Variants in UBAC2 observed in about 807,000 individuals in gnomAD.
UBAC2 encodes ubiquitin-associated domain-containing protein 2.
Under a neutral mutation model 44.0 loss-of-function variants are expected in UBAC2, and 26 were observed. That is an observed-to-expected ratio of 0.59 (90% CI 0.43 to 0.82). The LOEUF (loss-of-function observed/expected upper bound fraction) is 0.82. Ranked by LOEUF, UBAC2 falls within the 40% of genes least tolerant of loss-of-function variation. The pLI is 0.00. For missense variants in UBAC2, 329 were observed against 419.4 expected, an observed-to-expected ratio of 0.78 and a Z score of 1.88; for synonymous variants, 155 against 154.3, an observed-to-expected ratio of 1.00 and a Z score of -0.04.
intron 4 of UBAC2, among the ~76,000 whole-genome samples, chr13:99,293,602 T>A (rs940497106): frequency 6.6e-6 from 1 of 152,240 alleles, no homozygotes; most frequent in Non-Finnish European, 1.5e-5. Flanking sequence ...TGGGCTTTCA[T>A]CCGTGTTGTC....
chr13:99,214,276 A>G (rs1259236327), intron 1 of UBAC2, among the ~76,000 whole-genome samples: 1 of 143,320 alleles, frequency 7.0e-6, no homozygotes, highest in East Asian at 2.0e-4. Flanking sequence ...TTTTTCGTGT[A>G]AGGACACGAG....
intron 6 of UBAC2, among the ~76,000 whole-genome samples, chr13:99,321,184 A>C (rs1260806672): frequency 6.6e-6 from 1 of 152,234 alleles, no homozygotes. Context: ...ATTTGTATGA[A>C]ACATGAGTAA....
intron 6 of UBAC2, among the ~76,000 whole-genome samples, chr13:99,322,494 G>T (rs573726962): frequency 5.9e-5 from 9 of 152,274 alleles, no homozygotes; most frequent in African/African-American, 2.2e-4. Flanking sequence ...TCTTTTTACA[G>T]TTCACACATT....
intron 4 of UBAC2, among the ~76,000 whole-genome samples, chr13:99,313,593 G>T (rs1238971470): frequency 6.6e-6 from 1 of 152,096 alleles, no homozygotes; most frequent in Non-Finnish European, 1.5e-5. Flanking sequence ...CCAGAAGAGT[G>T]GTGTAAGAAA....
At chr13:99,315,949 T>A (rs1462432940) in intron 5 of UBAC2, among the ~76,000 whole-genome samples, 3 of 151,824 alleles carry the variant, frequency 2.0e-5, no homozygotes, top group African/African-American at 7.3e-5. Context: ...GTTTTTGCCA[T>A]TAAAGTAAGG....
intron 1 of UBAC2, among the ~76,000 whole-genome samples, chr13:99,236,910 C>A (rs541273343): frequency 6.6e-6 from 1 of 152,002 alleles, no homozygotes; most frequent in South Asian, 2.1e-4. Flanking sequence ...AAAGGAGAAC[C>A]CTGGTACACT....
At chr13:99,261,900 G>C (rs1009755612) in intron 4 of UBAC2, among the ~76,000 whole-genome samples, 1 of 152,214 alleles carries the variant, frequency 6.6e-6, no homozygotes, top group African/African-American at 2.4e-5. Flanking sequence ...CCGCAATTTT[G>C]CTGTCTGAGG....
chr13:99,278,399 C>T (rs1161811073), intron 4 of UBAC2, among the ~76,000 whole-genome samples: 2 of 152,030 alleles, frequency 1.3e-5, no homozygotes, highest in Admixed American at 1.3e-4. Context: ...AGCAGCACAC[C>T]TACAATCATC....
At chr13:99,259,326 A>G (rs2043621603) in intron 4 of UBAC2, among the ~76,000 whole-genome samples, 1 of 150,038 alleles carries the variant, frequency 6.7e-6, no homozygotes, top group South Asian at 2.1e-4. Flanking sequence ...TTTGAATTTT[A>G]GACAGTTTGG....
chr13:99,367,967 T>G, intron 8 of UBAC2, 61 bp downstream of exon 8: 1 of 1,576,980 alleles, frequency 6.3e-7, no homozygotes, highest in Non-Finnish European at 8.6e-7. Flanking sequence ...TGAAGCAGTT[T>G]CGATCAACAG....
At chr13:99,330,765 T>C (rs1237765677) in intron 6 of UBAC2, among the ~76,000 whole-genome samples, 1 of 152,218 alleles carries the variant, frequency 6.6e-6, no homozygotes, top group African/African-American at 2.4e-5. Context: ...TTTTTCACCA[T>C]TGAGGCTGTA....
chr13:99,281,817 AT>A (rs1312499652), intron 4 of UBAC2, among the ~76,000 whole-genome samples: 1 of 150,932 alleles, frequency 6.6e-6, no homozygotes, highest in Non-Finnish European at 1.5e-5. Flanking sequence ...TACCTTATGG[AT>A]TGCTGGCTAA....
intron 4 of UBAC2, among the ~76,000 whole-genome samples, chr13:99,284,837 TAA>T (rs1026523376): frequency 5.9e-5 from 9 of 152,182 alleles, no homozygotes; most frequent in Admixed American, 3.3e-4. Flanking sequence ...GCTGGAAAAT[TAA>T]AGTTTGTGAA....
chr13:99,229,751 CT>C (rs1485840074), intron 1 of UBAC2, among the ~76,000 whole-genome samples: 1 of 152,128 alleles, frequency 6.6e-6, no homozygotes, highest in African/African-American at 2.4e-5. Flanking sequence ...TGAAAGAATG[CT>C]TTGTTAAAAC....
intron 2 of UBAC2, among the ~76,000 whole-genome samples, chr13:99,239,578 C>T (rs2043277496): frequency 6.6e-6 from 1 of 152,168 alleles, no homozygotes; most frequent in African/African-American, 2.4e-5. Flanking sequence ...AATGTAAGGG[C>T]CCCCGGGCCT....
intron 8 of UBAC2, among the ~76,000 whole-genome samples, chr13:99,383,405 GT>G (rs202199802): frequency 2.0e-5 from 3 of 151,866 alleles, no homozygotes; most frequent in African/African-American, 7.2e-5. Context: ...TTTGTTTTTT[GT>G]TTTTTTTATC....
At chr13:99,252,227 T>C (rs1473463187) in intron 4 of UBAC2, among the ~76,000 whole-genome samples, 1 of 152,302 alleles carries the variant, frequency 6.6e-6, no homozygotes, top group Non-Finnish European at 1.5e-5. Context: ...ATTGTCCTTA[T>C]ATGTGTATTA....
At chr13:99,282,695 T>C (rs1432069945) in intron 4 of UBAC2, among the ~76,000 whole-genome samples, 2 of 152,242 alleles carry the variant, frequency 1.3e-5, no homozygotes, top group Non-Finnish European at 2.9e-5. Flanking sequence ...AGTCTGGTTG[T>C]ATTCAAGATT....
intron 4 of UBAC2, among the ~76,000 whole-genome samples, chr13:99,309,301 A>G (rs1352214493): frequency 6.6e-6 from 1 of 151,434 alleles, no homozygotes; most frequent in Non-Finnish European, 1.5e-5. Context: ...AGTAGAGACA[A>G]GGTTTCACCA....
Sources: gnomAD v4.1 joint callset for allele counts (sites outside exome capture counted in the v4.1 genomes callset) on GRCh38, gnomAD v4.1.1 for gene constraint, MANE v1.5 for transcripts, NCBI Gene and HGNC (gene_info 2026-07-23, HGNC 2026-07-21) for gene names.